Variants in ACKR5 observed in about 807,000 individuals in gnomAD.
The protein encoded by ACKR5 is atypical chemokine receptor 5, also known as G protein-coupled receptor 182.
At chr12:56,995,645 T>C in the ACKR5 span, 3 of 1,614,136 alleles carry the variant, frequency 1.9e-6, no homozygotes, top group Non-Finnish European at 2.5e-6. The surrounding 1 kb of genome is among the most constrained non-coding windows in gnomAD (Gnocchi z 4.7). Context: ...CTTCCTGGTG[T>C]GCCTCAGTGT....
chr12:56,996,520 T>C, the ACKR5 span: 21 of 1,103,140 alleles, frequency 1.9e-5, no homozygotes, highest in Non-Finnish European at 2.5e-5. Flanking sequence ...GTCAAAGCAC[T>C]CGTGGTCAAT....
the ACKR5 span, chr12:56,996,839 TGCG>T: frequency 1.2e-5 from 2 of 167,342 alleles, no homozygotes; most frequent in South Asian, 1.8e-4. Flanking sequence ...AAACTCCTTT[TGCG>T]TTTGTGAGCT....
chr12:56,996,580 G>A, the ACKR5 span: 1 of 645,654 alleles, frequency 1.5e-6, no homozygotes. Context: ...ACAGGATCAG[G>A]AGCGATAGAG....
the ACKR5 span, chr12:56,996,351 TG>T: frequency 1.9e-6 from 3 of 1,613,880 alleles, no homozygotes; most frequent in Non-Finnish European, 2.5e-6. Flanking sequence ...GAGCCAAGCC[TG>T]AGCTTTCAGG....
chr12:56,995,842 C>T, the ACKR5 span: 1 of 1,613,840 alleles, frequency 6.2e-7, no homozygotes, highest in Non-Finnish European at 8.5e-7. The surrounding 1 kb of genome is among the most constrained non-coding windows in gnomAD (Gnocchi z 4.7). Flanking sequence ...TTGAAACGTA[C>T]AGCACCTGGG....
the ACKR5 span, chr12:56,996,033 A>T: frequency 6.2e-7 from 1 of 1,610,764 alleles, no homozygotes; most frequent in Non-Finnish European, 8.5e-7. Context: ...CTGCCCTATC[A>T]TGTGACCCTG....
At chr12:56,995,099 T>C in the ACKR5 span, 3 of 941,718 alleles carry the variant, frequency 3.2e-6, no homozygotes, top group Non-Finnish European at 4.9e-6. The surrounding 1 kb of genome is among the most constrained non-coding windows in gnomAD (Gnocchi z 4.7). Flanking sequence ...CCCAGAATCT[T>C]TCCCCAAAGC....
chr12:56,997,734 T>C, the ACKR5 span: 3 of 152,380 alleles, frequency 2.0e-5, no homozygotes, highest in Non-Finnish European at 4.4e-5. Context: ...CCATCTCCTC[T>C]GTCCTGCTTA....
At chr12:56,996,230 A>C in the ACKR5 span, 4 of 1,613,962 alleles carry the variant, frequency 2.5e-6, no homozygotes, top group South Asian at 4.4e-5. Flanking sequence ...TTACCTTCCT[A>C]AGGACCAGAC....
At chr12:56,995,727 T>A in the ACKR5 span, 5 of 1,613,852 alleles carry the variant, frequency 3.1e-6, no homozygotes, top group Non-Finnish European at 4.2e-6. The surrounding 1 kb of genome is among the most constrained non-coding windows in gnomAD (Gnocchi z 4.7). Context: ...CGGCGGGCCA[T>A]GTGTGCAGGC....
chr12:56,996,606 T>G, the ACKR5 span: 1 of 570,560 alleles, frequency 1.8e-6, no homozygotes, highest in South Asian at 2.9e-5. Flanking sequence ...GCCCTCAGTG[T>G]TGTACTATTT....
the ACKR5 span, chr12:56,996,047 C>T: frequency 1.9e-6 from 3 of 1,611,298 alleles, no homozygotes; most frequent in Non-Finnish European, 2.5e-6. Flanking sequence ...GACCCTGCTG[C>T]TGCTCACACT....
At chr12:56,995,482 C>T in the ACKR5 span, 1 of 1,614,208 alleles carries the variant, frequency 6.2e-7, no homozygotes, top group South Asian at 1.1e-5. This position sits in a 1 kb window ranked among gnomAD's most constrained non-coding sequence, Gnocchi z 4.7. Context: ...TGAACCTCTA[C>T]ATCCTCAACA....
the ACKR5 span, chr12:56,996,310 T>C: frequency 9.8e-5 from 158 of 1,614,178 alleles, 5 homozygotes; most frequent in African/African-American, 1.8e-3. Context: ...CCAAGGGTGA[T>C]AGCCAGCCTG....
chr12:56,996,648 G>GA, the ACKR5 span: 1 of 481,660 alleles, frequency 2.1e-6, no homozygotes, highest in Non-Finnish European at 3.7e-6. Context: ...GAGCAATGCA[G>GA]AAAAAAAGGT....
At chr12:56,996,541 T>A in the ACKR5 span, 47 of 872,076 alleles carry the variant, frequency 5.4e-5, no homozygotes, top group African/African-American at 6.5e-4. Flanking sequence ...TTTGAATCTA[T>A]CTTAAAATAC....
chr12:56,994,782 C>T, the ACKR5 span: 1 of 201,688 alleles, frequency 5.0e-6, no homozygotes, highest in East Asian at 1.2e-4. Context: ...GTTCCACACT[C>T]ACGGTCCAAA....
chr12:56,995,648 C>T, the ACKR5 span: 55 of 1,613,952 alleles, frequency 3.4e-5, no homozygotes, highest in Non-Finnish European at 4.5e-5. This position sits in a 1 kb window ranked among gnomAD's most constrained non-coding sequence, Gnocchi z 4.7. Context: ...CCTGGTGTGC[C>T]TCAGTGTCGA....
the ACKR5 span, chr12:56,995,718 G>A: frequency 1.2e-5 from 20 of 1,613,604 alleles, no homozygotes; most frequent in African/African-American, 9.3e-5. This position sits in a 1 kb window ranked among gnomAD's most constrained non-coding sequence, Gnocchi z 4.7. Flanking sequence ...CACCGAGTGC[G>A]GCGGGCCATG....
Sources: gnomAD v4.1 joint callset for allele counts on GRCh38, gnomAD v4.1.1 for gene constraint, Gnocchi (gnomAD v3.1) non-coding constraint, MANE v1.5 for transcripts, NCBI Gene and HGNC (gene_info 2026-07-23, HGNC 2026-07-21) for gene names.